ACVR1B: variants seen among roughly 807,000 people sequenced by gnomAD.
ACVR1B encodes the protein activin A receptor type 1B.
ACVR1B carries 15 observed loss-of-function variants against 55.6 expected under a neutral mutation model. That is an observed-to-expected ratio of 0.27 (90% CI 0.18 to 0.42). ACVR1B has a LOEUF of 0.42. Among genes scored for constraint, ACVR1B ranks in the 10% least tolerant of loss-of-function variants. The pLI is 1.00. For synonymous variants in ACVR1B, 247 were observed against 254.6 expected (o/e 0.97, Z 0.28); for missense variants, 359 against 670.1 (o/e 0.54, Z 5.13).
At chr12:51,965,413 AC>A (rs1297105899) in intron 1 of ACVR1B, among the ~76,000 whole-genome samples, 1 of 152,080 alleles carries the variant, frequency 6.6e-6, no homozygotes, top group Admixed American at 6.6e-5. Flanking sequence ...ATAGTTTTGG[AC>A]CCCCCCACCA....
chr12:51,979,561 G>A (rs1400059027), intron 3 of ACVR1B, among the ~76,000 whole-genome samples: 3 of 151,752 alleles, frequency 2.0e-5, no homozygotes, highest in Non-Finnish European at 4.4e-5. Context: ...AAAATACCTT[G>A]AGTAAAAAGA....
chr12:51,979,673 A>G (rs1268161713), intron 3 of ACVR1B, among the ~76,000 whole-genome samples: 3 of 152,174 alleles, frequency 2.0e-5, no homozygotes, highest in Non-Finnish European at 2.9e-5. Context: ...AGGCTGCCCC[A>G]GGTGTACAGG....
Position 51,985,188 on chromosome 12 carries a change from C to T in ACVR1B, c.980-4C>T, listed in dbSNP as rs771806372. On this transcript the variant is annotated splice_region_variant and splice_polypyrimidine_tract_variant and intron_variant, in intron 5 of 8. Coordinates refer to ENST00000257963, the MANE Select transcript of ACVR1B (RefSeq NM_004302.5). ...GTAAAGATCCCTGTTTTTTTCTCTG[C>T]CAGGGAAGCCTGGAATTGCTCATCG... The T allele has an allele frequency of 1.2e-6, 2 of 1,601,372 alleles. No homozygotes were observed. Among genetic ancestry groups the T allele is most frequent in the Admixed American group, 3.5e-5 (2 of 57,120 alleles).
intron 1 of ACVR1B, among the ~76,000 whole-genome samples, chr12:51,965,897 A>G (rs922840627): frequency 6.6e-6 from 1 of 152,174 alleles, no homozygotes; most frequent in Non-Finnish European, 1.5e-5. Context: ...TCGATTACAG[A>G]CTAAATTTCA....
intron 1 of ACVR1B, among the ~76,000 whole-genome samples, chr12:51,958,614 C>T (rs554608319): frequency 6.6e-6 from 1 of 150,990 alleles, no homozygotes; most frequent in East Asian, 2.0e-4. Flanking sequence ...CGCCACTGCA[C>T]TCCAGCCTGG....
intron 4 of ACVR1B, chr12:51,982,792 A>G (rs1942005557): frequency 6.5e-7 from 1 of 1,526,970 alleles, no homozygotes; most frequent in Admixed American, 2.0e-5. Flanking sequence ...GAAGAGCAAG[A>G]TTTTTATTCC....
intron 1 of ACVR1B, among the ~76,000 whole-genome samples, chr12:51,962,103 C>G (rs1047044121): frequency 6.6e-6 from 1 of 152,188 alleles, no homozygotes; most frequent in African/African-American, 2.4e-5. Context: ...AAACAGCTCT[C>G]TAGGGCTGGG....
chr12:51,958,680 A>G (rs1398453943), intron 1 of ACVR1B, among the ~76,000 whole-genome samples: 1 of 151,758 alleles, frequency 6.6e-6, no homozygotes, highest in Non-Finnish European at 1.5e-5. Context: ...ATCATCAGGC[A>G]CATCAAGCAT....
At chr12:51,970,952 G>A (rs889881575) in intron 1 of ACVR1B, among the ~76,000 whole-genome samples, 3 of 152,104 alleles carry the variant, frequency 2.0e-5, no homozygotes, top group African/African-American at 7.2e-5. Flanking sequence ...AAACTTAGAC[G>A]TTGTGTGCTG....
At chr12:51,958,857 C>T (rs1941461411) in intron 1 of ACVR1B, among the ~76,000 whole-genome samples, 1 of 152,194 alleles carries the variant, frequency 6.6e-6, no homozygotes, top group Admixed American at 6.5e-5. Flanking sequence ...TCCTAACAGG[C>T]CGTGGACCAG....
intron 4 of ACVR1B, among the ~76,000 whole-genome samples, chr12:51,981,429 TAAAC>T (rs1941976492): frequency 6.6e-6 from 1 of 152,258 alleles, no homozygotes; most frequent in East Asian, 1.9e-4. Context: ...CTTACTCAGA[TAAAC>T]AAGATACACC....
chr12:51,992,120 G>A (rs1029270595), intron 8 of ACVR1B, 127 bp downstream of exon 8: 11 of 1,272,362 alleles, frequency 8.6e-6, no homozygotes, highest in South Asian at 5.4e-5. Flanking sequence ...TTACTATTAC[G>A]TGCTATTTTA....
At chr12:51,987,817 T>C (rs1167306750) in intron 7 of ACVR1B, 1 of 152,296 alleles carries the variant, frequency 6.6e-6, no homozygotes, top group East Asian at 1.9e-4. Context: ...ATAATATAAT[T>C]GTACATTTTA....
At chr12:51,974,339 GAATA>G (rs546826605) in intron 1 of ACVR1B, among the ~76,000 whole-genome samples, 37 of 152,270 alleles carry the variant, frequency 2.4e-4, no homozygotes, top group Middle Eastern at 3.4e-3. Flanking sequence ...CTTGTTAGTT[GAATA>G]AATAAAGGAT....
At chr12:51,986,785 C>T (rs1291749827) in intron 6 of ACVR1B, 33 bp from the exon 7 acceptor site, 1 of 1,586,442 alleles carries the variant, frequency 6.3e-7, no homozygotes, top group Admixed American at 1.8e-5. Flanking sequence ...TCATCATTTT[C>T]TGTGCGTGAC....
At chr12:51,972,143 A>G (rs1174554282) in intron 1 of ACVR1B, among the ~76,000 whole-genome samples, 1 of 152,204 alleles carries the variant, frequency 6.6e-6, no homozygotes, top group Non-Finnish European at 1.5e-5. Context: ...GTGGTGGCAC[A>G]TGCTTGTAGT....
intron 3 of ACVR1B, among the ~76,000 whole-genome samples, chr12:51,978,305 G>A (rs2120634330): frequency 6.6e-6 from 1 of 152,224 alleles, no homozygotes; most frequent in South Asian, 2.1e-4. Context: ...TGAAACAAGG[G>A]AAGGGCCATG....
chr12:51,984,897 G>A (rs1447506612), intron 5 of ACVR1B, among the ~76,000 whole-genome samples: 1 of 152,228 alleles, frequency 6.6e-6, no homozygotes, highest in Non-Finnish European at 1.5e-5. Flanking sequence ...CAGGGAAGGC[G>A]AGTAGTAGTA....
intron 8 of ACVR1B, 129 bp from the exon 9 acceptor site, chr12:51,993,856 C>T: frequency 9.1e-7 from 1 of 1,093,046 alleles, no homozygotes. Context: ...CTAAGGTCGG[C>T]CGCCGGGTGG....
Sources: allele counts gnomAD v4.1 joint callset (sites outside exome capture counted in the v4.1 genomes callset), GRCh38; gene constraint gnomAD v4.1.1; transcripts MANE v1.5; gene names NCBI Gene and HGNC (gene_info 2026-07-23, HGNC 2026-07-21).